The following GATA4 variants were observed in gnomAD, a reference collection of about 807,000 sequenced individuals.
GATA4 encodes the protein GATA binding protein 4, also known as transcription factor GATA-4.
In GATA4, 7 loss-of-function variants were observed where a neutral mutation model predicts 37.9. That is an observed-to-expected ratio of 0.18 (90% confidence interval 0.11 to 0.35). The LOEUF is 0.35. Among genes scored for constraint, GATA4 ranks in the 10% least tolerant of loss-of-function variants. The probability of loss-of-function intolerance (pLI) is 1.00; values close to 1 mark genes in which losing one functional copy is unlikely to be tolerated. For missense variants in GATA4, 647 were observed against 653.0 expected (o/e 0.99, Z 0.10); for synonymous variants, 372 against 292.6 (o/e 1.27, Z -2.77).
In GATA4 at chr8:11,704,244, G is replaced by C. The variant is rs1449430005; in HGVS notation, c.-518G>C. 1 of 152,290 alleles carries C rather than the reference G, an allele frequency of 6.6e-6. No homozygotes were observed. Among genetic ancestry groups the C allele is most frequent in the Non-Finnish European group, 1.5e-5 (1 of 68,098 alleles). 9.4% of individuals were successfully genotyped at this position (152,290 alleles called of 1,614,324 possible). Reference sequence around the variant, plus strand: ...CGGCGCAGGGGCCGCGAGAGGCTTCGTCGCCGCTGCAGCTCCGGGGGCTCC... The same window carrying C: ...CGGCGCAGGGGCCGCGAGAGGCTTCCTCGCCGCTGCAGCTCCGGGGGCTCC... On this transcript the variant is annotated 5_prime_UTR_variant, in exon 1 of 7. Transcript: ENST00000532059.
chr8:11,692,063 C>T, upstream of GATA4: 14 of 985,188 alleles, frequency 1.4e-5, no homozygotes, highest in South Asian at 9.4e-5. Flanking sequence ...CAGAGGTGGC[C>T]GTGGGTGCTT....
rs752147603 is a variant in GATA4 at position 11,749,094 on chromosome 8, G to A, written c.786+9G>A. ...AGCCTCAGCGCCGGCTGGTAAGCAC[G>A]TGCCTCGCAGCCTCCTCTGGGCACC... On this transcript the variant is annotated intron_variant, in intron 3 of 6. Transcript: ENST00000532059. This position sits in a 1 kb window ranked among gnomAD's most constrained non-coding sequence, Gnocchi z 4.6. The A allele has an allele frequency of 3.7e-6, 6 of 1,613,700 alleles. No homozygotes were observed. In the South Asian group the frequency reaches 5.5e-5, roughly 15 times the overall value.
upstream of GATA4, among the ~76,000 whole-genome samples, chr8:11,699,932 T>C (rs953750642): frequency 1.3e-5 from 2 of 152,180 alleles, no homozygotes; most frequent in African/African-American, 2.4e-5. Flanking sequence ...AAAAATACGT[T>C]TTCATGGTAG....
intron 2 of GATA4, among the ~76,000 whole-genome samples, chr8:11,711,037 G>A (rs923796076): frequency 1.3e-5 from 2 of 152,192 alleles, no homozygotes; most frequent in African/African-American, 2.4e-5. Context: ...GTTGAACCCG[G>A]GAGGCGGAGG....
chr8:11,699,411 C>T (rs1465555087), upstream of GATA4, among the ~76,000 whole-genome samples: 1 of 152,162 alleles, frequency 6.6e-6, no homozygotes, highest in African/African-American at 2.4e-5. Context: ...AGGAGGCAAT[C>T]CCCGAAGAAA....
intron 2 of GATA4, 90 bp from the exon 3 acceptor site, chr8:11,748,826 C>G: frequency 6.9e-7 from 1 of 1,456,022 alleles, no homozygotes; most frequent in Non-Finnish European, 9.6e-7. Context: ...GGCATTGTTT[C>G]TGTGCGCTCT....
At chr8:11,738,362 G>A (rs545155858) in intron 2 of GATA4, among the ~76,000 whole-genome samples, 1 of 151,978 alleles carries the variant, frequency 6.6e-6, no homozygotes, top group South Asian at 2.1e-4. Context: ...TGTTCATTCT[G>A]TATATAAACA....
At chr8:11,756,082 A>G (rs1296459438) in intron 5 of GATA4, among the ~76,000 whole-genome samples, 3 of 152,160 alleles carry the variant, frequency 2.0e-5, no homozygotes, top group Non-Finnish European at 2.9e-5. Context: ...GTTCCCTACC[A>G]AAACATTCCT....
chr8:11,677,487 T>A (rs977372952), intron 1 of GATA4, among the ~76,000 whole-genome samples: 45 of 152,148 alleles, frequency 3.0e-4, no homozygotes, highest in African/African-American at 1.1e-3. Flanking sequence ...TCTGACCAGG[T>A]ATCCCAGGAC....
chr8:11,678,818 C>T (rs1016137499), intron 1 of GATA4, among the ~76,000 whole-genome samples: 1 of 152,062 alleles, frequency 6.6e-6, no homozygotes, highest in African/African-American at 2.4e-5. Context: ...CACAAATTTC[C>T]TTTTTCTTCT....
intron 1 of GATA4, among the ~76,000 whole-genome samples, chr8:11,678,044 A>G (rs915709651): frequency 1.3e-5 from 2 of 149,294 alleles, no homozygotes; most frequent in Non-Finnish European, 3.0e-5. Context: ...AATAATAATA[A>G]TAATAATAAT....
At chr8:11,681,082 G>T (rs1798955237) in intron 1 of GATA4, 2 of 964,380 alleles carry the variant, frequency 2.1e-6, no homozygotes, top group Non-Finnish European at 1.2e-6. Flanking sequence ...GGACATTGAG[G>T]GGCATGGGTG....
upstream of GATA4, among the ~76,000 whole-genome samples, chr8:11,691,463 G>A (rs1202200182): frequency 5.3e-5 from 8 of 152,088 alleles, no homozygotes; most frequent in Non-Finnish European, 4.4e-5. Context: ...ACCACAACCC[G>A]CTATGTTTTT....
At chr8:11,742,722 C>A (rs1016378274) in intron 2 of GATA4, among the ~76,000 whole-genome samples, 6 of 152,276 alleles carry the variant, frequency 3.9e-5, no homozygotes, top group Non-Finnish European at 7.3e-5. Context: ...CCAGAAGACC[C>A]AGGGCTCAAG....
chr8:11,756,137 G>A (rs926802047), intron 5 of GATA4, among the ~76,000 whole-genome samples: 8 of 152,110 alleles, frequency 5.3e-5, no homozygotes, highest in African/African-American at 1.7e-4. Flanking sequence ...GGTCGGTGCT[G>A]CAGTCACAGA....
chr8:11,693,915 G>A (rs1308019913), intron 1 of GATA4, among the ~76,000 whole-genome samples: 3 of 149,548 alleles, frequency 2.0e-5, no homozygotes, highest in African/African-American at 4.9e-5. Context: ...CTGTGTGTGC[G>A]TCTGTGTGCA....
At chr8:11,695,262 C>T (rs1376228779) in intron 1 of GATA4, among the ~76,000 whole-genome samples, 2 of 152,094 alleles carry the variant, frequency 1.3e-5, no homozygotes, top group Non-Finnish European at 2.9e-5. Flanking sequence ...AAAAATTAGC[C>T]GGGCATGGTG....
intron 2 of GATA4, among the ~76,000 whole-genome samples, chr8:11,728,629 G>A (rs575998594): frequency 2.6e-4 from 39 of 152,064 alleles, no homozygotes; most frequent in African/African-American, 8.0e-4. Flanking sequence ...GCTCACTGTA[G>A]CCTTCAACTC....
chr8:11,750,015 C>T, intron 3 of GATA4, 96 bp from the exon 4 acceptor site: 2 of 1,580,942 alleles, frequency 1.3e-6, no homozygotes, highest in Non-Finnish European at 1.7e-6. Flanking sequence ...AGCCCTGCCT[C>T]CCGTTAGGGA....
Sources: gnomAD v4.1 joint callset for allele counts (sites outside exome capture counted in the v4.1 genomes callset) on GRCh38, gnomAD v4.1.1 for gene constraint, Gnocchi (gnomAD v3.1) non-coding constraint, MANE v1.5 for transcripts, NCBI Gene and HGNC (gene_info 2026-07-23, HGNC 2026-07-21) for gene names.